NIPA1: variants seen among roughly 807,000 people sequenced by gnomAD.
The protein encoded by NIPA1 is magnesium transporter NIPA1.
Under a neutral mutation model 23.9 loss-of-function variants are expected in NIPA1, and 13 were observed. The observed-to-expected ratio is 0.54, with a 90% CI of 0.35 to 0.87. NIPA1 has a LOEUF of 0.87. Among genes scored for constraint, NIPA1 ranks in the 40% least tolerant of loss-of-function variants. The pLI, the probability that NIPA1 is intolerant of heterozygous loss-of-function variation, is 0.01. For missense variants in NIPA1, 362 were observed against 429.7 expected (o/e 0.84, Z 1.39); for synonymous variants, 234 against 202.9 (o/e 1.15, Z -1.30).
At chr15:22,798,115 G>A (rs1051972094) in intron 1 of NIPA1, among the ~76,000 whole-genome samples, 4 of 149,424 alleles carry the variant, frequency 2.7e-5, no homozygotes, top group East Asian at 2.0e-4. Context: ...CTAAAATGCC[G>A]GGATTACAGG....
intron 1 of NIPA1, among the ~76,000 whole-genome samples, chr15:22,790,814 A>T (rs1894810235): frequency 6.6e-6 from 1 of 152,122 alleles, no homozygotes; most frequent in Admixed American, 6.6e-5. Context: ...ATCTGTTGCA[A>T]GCAGCAGAAT....
Position 22,824,427 on chromosome 15 carries a change from C to T in NIPA1, c.*188C>T. 1.6e-6 allele frequency: 1 copy of T among 616,044 alleles called. No homozygotes were observed. Among genetic ancestry groups the T allele is most frequent in the Non-Finnish European group, 2.9e-6 (1 of 343,528 alleles). 38.2% of individuals were successfully genotyped at this position (616,044 alleles called of 1,614,324 possible). A position where few individuals can be genotyped will look rare whatever the true frequency, so the allele number is the denominator to read the frequency against. On this transcript the variant is annotated 3_prime_UTR_variant, in exon 5 of 5. Coordinates refer to ENST00000337435, the MANE Select transcript of NIPA1 (RefSeq NM_144599.5). The surrounding 1 kb of genome is among the most constrained non-coding windows in gnomAD (Gnocchi z 4.1). ...AGAGGCCCAGCCAGCCCTCTGCAGCCCAAACGTCCCCAACGGTTGCCTGGC... is the reference window on the plus strand; with the variant it reads ...AGAGGCCCAGCCAGCCCTCTGCAGCTCAAACGTCCCCAACGGTTGCCTGGC...
At position 22,823,772 on chromosome 15, in the gene NIPA1, C is replaced by G; in HGVS notation, c.523C>G (p.Leu175Val). Residue 175 changes from leucine (L) to valine (V), a missense_variant, in exon 5 of 5, where the codon CTC (leucine) becomes GTC (valine). Transcript: ENST00000337435. Reference sequence around the variant, plus strand: ...CATCGTGCTGCTCATGCTGCTGCTGCTCATCTTCTGGATCGCGCCGGCCCA... The same window carrying G: ...CATCGTGCTGCTCATGCTGCTGCTGGTCATCTTCTGGATCGCGCCGGCCCA... ...LCIVLLMLLL[L>V]IFWIAPAHGP... 11 of 1,613,108 alleles carry G rather than the reference C, an allele frequency of 6.8e-6. No homozygotes were observed. The highest frequency in any genetic ancestry group is 9.3e-6 in the Non-Finnish European group (11 of 1,179,754).
chr15:22,786,806 G>A lies in NIPA1; in HGVS notation c.150G>A (p.Lys50=), dbSNP rs749385624. The part of the protein sequence containing the change: ...LVNGSTFVLQ[K]KGIVRAKRRG... Reference sequence around the variant, plus strand: ...ACGGGTCCACGTTCGTGCTACAGAAGAAGGGCATCGTGCGTGCCAAGCGGC... The same window carrying A: ...ACGGGTCCACGTTCGTGCTACAGAAAAAGGGCATCGTGCGTGCCAAGCGGC... Residue 50 remains lysine, a synonymous_variant, in exon 1 of 5, where the codon AAG becomes AAA. Coordinates refer to ENST00000337435, the MANE Select transcript of NIPA1 (RefSeq NM_144599.5). The A allele has an allele frequency of 4.7e-6, 6 of 1,282,462 alleles. No homozygotes were observed. The highest frequency in any genetic ancestry group is 1.6e-5 in the South Asian group (1 of 64,212). The allele number at this position is 1,282,462 out of a possible 1,614,324, so 79.4% of individuals were successfully genotyped here.
At chr15:22,814,201 A>T in intron 3 of NIPA1, 1 of 809,132 alleles carries the variant, frequency 1.2e-6, no homozygotes, top group South Asian at 1.5e-5. Context: ...TAATTTGGAA[A>T]AAAACAATCA....
intron 1 of NIPA1, among the ~76,000 whole-genome samples, chr15:22,787,395 G>A (rs1894731492): frequency 6.6e-6 from 1 of 152,214 alleles, no homozygotes; most frequent in Non-Finnish European, 1.5e-5. Context: ...GGGCTCTCAG[G>A]GCTGTGCGTT....
Position 22,824,028 on chromosome 15 carries a change from T to C in NIPA1, c.779T>C (p.Phe260Ser), listed in dbSNP as rs766017461. The C allele has an allele frequency of 6.2e-7, 1 of 1,614,124 alleles. No individual in the cohort carries two copies. Among genetic ancestry groups the C allele is most frequent in the Non-Finnish European group, 8.5e-7 (1 of 1,179,990 alleles). ...CTGGAGTGCTTCGACTCCTCGGTGTTCGGGGCCATCTACTACGTCGTGTTT... is the reference window on the plus strand; with the variant it reads ...CTGGAGTGCTTCGACTCCTCGGTGTCCGGGGCCATCTACTACGTCGTGTTT... ...KALECFDSSV[F>S]GAIYYVVFTT... is the part of the protein sequence containing the mutation. The change falls in exon 5 of 5, where the codon TTC (phenylalanine) becomes TCC (serine). Residue 260 changes from phenylalanine to serine, a missense_variant. By Grantham distance (155) the Phe-to-Ser change is radical. Around this residue, in one of 2 missense-constraint regions of NIPA1, gnomAD observed 277 missense variants for 372.0 expected, o/e 0.74. Coordinates refer to ENST00000337435, the MANE Select transcript of NIPA1 (RefSeq NM_144599.5). The surrounding 1 kb of genome is among the most constrained non-coding windows in gnomAD (Gnocchi z 4.1).
Position 22,823,706 on chromosome 15 carries a change from CTG to C in NIPA1, c.479-17_479-16del, listed in dbSNP as rs1566789028. ...GCTGCTAGGCGGTGGCTCCGGGTGA[CTG>C]TGTGCTGTCTGTGTTCCAGTGTTTG... is the stretch of plus-strand genomic sequence containing the variant. On this transcript the variant is annotated intron_variant, in intron 4 of 4. Coordinates refer to ENST00000337435, the MANE Select transcript of NIPA1 (RefSeq NM_144599.5). The C allele has an allele frequency of 6.9e-6, 11 of 1,590,792 alleles. No individual in the cohort carries two copies. The highest frequency in any genetic ancestry group is 9.4e-6 in the Non-Finnish European group (11 of 1,174,134).
chr15:22,821,511 C>T (rs935118210), intron 4 of NIPA1, among the ~76,000 whole-genome samples: 2 of 150,956 alleles, frequency 1.3e-5, no homozygotes, highest in Non-Finnish European at 2.9e-5. Context: ...CGCTGGTTTT[C>T]TCGTCCACAC....
chr15:22,800,161 A>G (rs1332734510), intron 1 of NIPA1, among the ~76,000 whole-genome samples: 1 of 151,772 alleles, frequency 6.6e-6, no homozygotes, highest in Non-Finnish European at 1.5e-5. Flanking sequence ...CCCCTGAATT[A>G]CTCAACCACA....
chr15:22,821,685 TAAC>T (rs1358903407), intron 4 of NIPA1, among the ~76,000 whole-genome samples: 2 of 149,408 alleles, frequency 1.3e-5, no homozygotes, highest in Admixed American at 1.3e-4. Flanking sequence ...GTTTGCATGT[TAAC>T]ACCTAGTTTG....
intron 1 of NIPA1, among the ~76,000 whole-genome samples, chr15:22,788,498 C>CAGAAAAAAAAAAAAAA (rs1894759339): frequency 1.1e-5 from 1 of 89,588 alleles, no homozygotes; most frequent in Non-Finnish European, 2.3e-5. Flanking sequence ...GACTCCATCT[C>CAGAAAAAAAAAAAAAA]AAAAAAAAAA....
intron 4 of NIPA1, 135 bp downstream of exon 4, chr15:22,820,608 T>C (rs898590184): frequency 5.1e-6 from 4 of 783,062 alleles, no homozygotes; most frequent in African/African-American, 5.0e-5. Context: ...ACTGTAGATC[T>C]GTGTTCTCTG....
At position 22,801,192 on chromosome 15, in the gene NIPA1, A is replaced by G. The variant is rs116235250; in HGVS notation, c.179-9557A>G. On this transcript the variant is annotated intron_variant, in intron 1 of 4. Coordinates refer to ENST00000337435, the MANE Select transcript of NIPA1 (RefSeq NM_144599.5). ...TCCCCCTGTTAGATGTTCTTTGCAAACATATTCAGGGCTGCATGAATGTTA... is the reference window on the plus strand; with the variant it reads ...TCCCCCTGTTAGATGTTCTTTGCAAGCATATTCAGGGCTGCATGAATGTTA... Among the ~76,000 whole-genome samples, 381 of 152,246 alleles carry G rather than the reference A, an allele frequency of 2.5e-3. 2 individuals are homozygous for G. Among genetic ancestry groups the G allele is most frequent in the African/African-American group, 8.0e-3 (334 of 41,532 alleles).
At position 22,829,076 on chromosome 15, in the gene NIPA1, C is replaced by CT. The variant is rs1189682936; in HGVS notation, c.*4844dup. On this transcript the variant is annotated 3_prime_UTR_variant, in exon 5 of 5. Transcript: ENST00000337435. ...ATGATTCCATGAAGCTTTAGTTTTC[C>CT]TTTTTTTGTTTTAAAAGAAAGGGTT... The CT allele has an allele frequency of 2.6e-5, 4 of 152,134 alleles. No homozygotes were observed. The highest frequency in any genetic ancestry group is 7.2e-5 in the African/African-American group (3 of 41,424). The allele number at this position is 152,134 out of a possible 1,614,324, so 9.4% of individuals were successfully genotyped here. A position where few individuals can be genotyped will look rare whatever the true frequency, so the allele number is the denominator to read the frequency against.
intron 1 of NIPA1, among the ~76,000 whole-genome samples, chr15:22,792,094 A>C (rs1894841319): frequency 6.6e-6 from 1 of 152,196 alleles, no homozygotes; most frequent in South Asian, 2.1e-4. Flanking sequence ...GGTCATGTTC[A>C]GTGTCAGAGC....
chr15:22,809,302 G>A, intron 1 of NIPA1, among the ~76,000 whole-genome samples: 1 of 152,132 alleles, frequency 6.6e-6, no homozygotes, highest in South Asian at 2.1e-4. Context: ...CATGAGAATT[G>A]CTTGAACCCA....
intron 1 of NIPA1, among the ~76,000 whole-genome samples, chr15:22,798,859 A>AAAAAAAC (rs1895002580): frequency 6.6e-6 from 1 of 150,926 alleles, no homozygotes; most frequent in African/African-American, 2.5e-5. Context: ...AAAAAAAAAA[A>AAAAAAAC]AAACCTCTTT....
At chr15:22,798,864 C>T (rs1895003093) in intron 1 of NIPA1, among the ~76,000 whole-genome samples, 2 of 129,686 alleles carry the variant, frequency 1.5e-5, no homozygotes, top group Admixed American at 7.6e-5. Flanking sequence ...AAAAAAAAAC[C>T]TCTTTATTGT....
Sources: gnomAD v4.1 joint callset for allele counts (sites outside exome capture counted in the v4.1 genomes callset) on GRCh38, gnomAD v4.1.1 for gene constraint, gnomAD v4.1.1 regional missense constraint, Gnocchi (gnomAD v3.1) non-coding constraint, MANE v1.5 for transcripts, NCBI Gene and HGNC (gene_info 2026-07-23, HGNC 2026-07-21) for gene names.